TM4SF20: variants seen among roughly 807,000 people sequenced by gnomAD.
The protein encoded by TM4SF20 is transmembrane 4 L six family member 20.
A neutral mutation model predicts 15.1 loss-of-function variants in TM4SF20; 13 were observed. That is an observed-to-expected ratio of 0.86 (90% CI 0.56 to 1.36). TM4SF20 has a LOEUF of 1.36. Among genes scored for constraint, TM4SF20 ranks in the 40% most tolerant of loss-of-function variants. The pLI is 0.00. For synonymous variants in TM4SF20, 92 were observed against 96.6 expected (o/e 0.95, Z 0.28); for missense variants, 282 against 268.4 (o/e 1.05, Z -0.35).
At chr2:227,370,797 G>T in intron 2 of TM4SF20, 118 bp downstream of exon 2, 1 of 814,538 alleles carries the variant, frequency 1.2e-6, no homozygotes, top group Non-Finnish European at 2.2e-6. Context: ...TAAGGCTGTG[G>T]CTCTGTCAGT....
intron 3 of TM4SF20, among the ~76,000 whole-genome samples, chr2:227,364,434 C>T (rs80127478): frequency 0.041 from 6,122 of 149,704 alleles, 329 homozygotes; most frequent in East Asian, 0.13. Context: ...AGAACTACAG[C>T]GTGGCGTCCG....
chr2:227,365,154 A>T (rs2076386282), intron 3 of TM4SF20, among the ~76,000 whole-genome samples: 1 of 152,144 alleles, frequency 6.6e-6, no homozygotes, highest in South Asian at 2.1e-4. Flanking sequence ...CAAGCGATCC[A>T]CCTGCCTTGG....
At chr2:227,380,816 CG>C, upstream of TM4SF20, among the ~76,000 whole-genome samples, 1 of 152,138 alleles carries the variant, frequency 6.6e-6, no homozygotes, top group African/African-American at 2.4e-5. Context: ...TAGAGAGCAG[CG>C]CTCCACCCTG....
intron 2 of TM4SF20, among the ~76,000 whole-genome samples, chr2:227,368,019 A>ATT (rs1226126996): frequency 0.011 from 1,358 of 120,384 alleles, 50 homozygotes; most frequent in African/African-American, 0.027. Context: ...TTAACCATCT[A>ATT]TTTTTTTTTT....
intron 1 of TM4SF20, among the ~76,000 whole-genome samples, chr2:227,377,759 G>A (rs1336766790): frequency 1.3e-5 from 2 of 152,076 alleles, no homozygotes; most frequent in African/African-American, 2.4e-5. Flanking sequence ...TTGTAAGCGG[G>A]AGGTAAATGA....
At chr2:227,368,019 ATTTTTT>A (rs1226126996) in intron 2 of TM4SF20, among the ~76,000 whole-genome samples, 5 of 120,562 alleles carry the variant, frequency 4.1e-5, no homozygotes, top group Admixed American at 9.3e-5. Context: ...TTAACCATCT[ATTTTTT>A]TTTTTTTTTT....
upstream of TM4SF20, among the ~76,000 whole-genome samples, chr2:227,380,640 A>G (rs1575027616): frequency 6.6e-6 from 1 of 152,350 alleles, no homozygotes; most frequent in Non-Finnish European, 1.5e-5. Flanking sequence ...CTAGGAGAAA[A>G]GATTGGGACA....
chr2:227,366,581 T>C (rs1247393164), intron 2 of TM4SF20, among the ~76,000 whole-genome samples: 1 of 151,512 alleles, frequency 6.6e-6, no homozygotes, highest in Admixed American at 6.6e-5. Flanking sequence ...TACAAAAACT[T>C]AGCCAGGCTT....
At chr2:227,373,548 T>C (rs555986864) in intron 1 of TM4SF20, among the ~76,000 whole-genome samples, 3 of 152,320 alleles carry the variant, frequency 2.0e-5, no homozygotes, top group South Asian at 2.1e-4. Context: ...CACCTCTTTC[T>C]TGTAAATAAA....
chr2:227,363,978 A>T lies in TM4SF20; in HGVS notation c.436T>A (p.Phe146Ile). 4 of 1,613,146 alleles carry T rather than the reference A, an allele frequency of 2.5e-6. No homozygotes were observed. Among genetic ancestry groups the T allele is most frequent in the Non-Finnish European group, 3.4e-6 (4 of 1,179,614 alleles). ...GGAGGTGCACAAGAGTCATTGAAAA[A>T]CCACTGCAAGTTGAAGGATTCTGGA... ...IHPESFNLQW[F>I]FNDSCAPPTG... Residue 146 changes from phenylalanine to isoleucine, a missense_variant, in exon 4 of 4, where the codon TTT (phenylalanine) becomes ATT (isoleucine). Transcript: ENST00000304568.
At chr2:227,365,578 C>T (rs1231164619) in intron 3 of TM4SF20, among the ~76,000 whole-genome samples, 1 of 152,148 alleles carries the variant, frequency 6.6e-6, no homozygotes, top group East Asian at 1.9e-4. Flanking sequence ...ATTGGTTGCT[C>T]TTCCATTTAA....
upstream of TM4SF20, chr2:227,379,358 A>C (rs1379248856): frequency 1.1e-5 from 13 of 1,190,864 alleles, no homozygotes; most frequent in Non-Finnish European, 1.4e-5. Flanking sequence ...TTAAAATTTA[A>C]CGCTAATAAA....
upstream of TM4SF20, among the ~76,000 whole-genome samples, chr2:227,380,965 T>C (rs983636290): frequency 6.6e-6 from 1 of 152,118 alleles, no homozygotes; most frequent in Non-Finnish European, 1.5e-5. Context: ...AGGATTTGTA[T>C]AAAAGGATTA....
chr2:227,369,094 C>T (rs1289164405), intron 2 of TM4SF20, among the ~76,000 whole-genome samples: 1 of 152,102 alleles, frequency 6.6e-6, no homozygotes, highest in Non-Finnish European at 1.5e-5. Context: ...AAATTATTAT[C>T]GTTTACAAAG....
chr2:227,372,239 A>G (rs778709546), intron 1 of TM4SF20, among the ~76,000 whole-genome samples: 8 of 152,150 alleles, frequency 5.3e-5, no homozygotes, highest in African/African-American at 1.9e-4. Context: ...TAATAATCCT[A>G]TGAGGTAGGT....
intron 1 of TM4SF20, among the ~76,000 whole-genome samples, chr2:227,373,542 T>A (rs1023108917): frequency 3.3e-5 from 5 of 152,204 alleles, no homozygotes; most frequent in Non-Finnish European, 4.4e-5. Flanking sequence ...GCCCACCACC[T>A]CTTTCTTGTA....
chr2:227,363,901 T>A lies in TM4SF20; in HGVS notation c.513A>T (p.Arg171Ser). The change falls in exon 4 of 4, where the codon AGA (arginine) becomes AGT (serine). Residue 171 changes from arginine (R) to serine (S), a missense_variant. Transcript: ENST00000304568. ...CAGAATCGAAGTGGAAACTAGATGC[T>A]CTCCAGCCACTCGCCATGGTGTCGT... ...TSNDTMASGW[R>S]ASSFHFDSEE... The A allele has an allele frequency of 6.2e-7, 1 of 1,614,106 alleles. No individual in the cohort carries two copies.
chr2:227,367,978 T>TACTCATCA (rs1383217757), intron 2 of TM4SF20, among the ~76,000 whole-genome samples: 14 of 151,882 alleles, frequency 9.2e-5, no homozygotes, highest in African/African-American at 3.4e-4. Flanking sequence ...TACTTAAATG[T>TACTCATCA]ACTCATCAAG....
Position 227,363,620 on chromosome 2 carries a change from C to T in TM4SF20, c.*104G>A, listed in dbSNP as rs569575787. The T allele has an allele frequency of 1.1e-5, 13 of 1,206,832 alleles. No individual in the cohort carries two copies. The highest frequency in any genetic ancestry group is 3.0e-5 in the South Asian group (2 of 67,012). The allele number at this position is 1,206,832 out of a possible 1,614,324, so 74.8% of individuals were successfully genotyped here. ...TTATGCATTTACAACGTGCTTTCTA[C>T]GTGAAGGGTTGATTTTTTAAATCAT... On this transcript the variant is annotated 3_prime_UTR_variant, in exon 4 of 4. Coordinates refer to ENST00000304568, the MANE Select transcript of TM4SF20 (RefSeq NM_024795.4).
Sources: allele counts gnomAD v4.1 joint callset (sites outside exome capture counted in the v4.1 genomes callset), GRCh38; gene constraint gnomAD v4.1.1; transcripts MANE v1.5; gene names NCBI Gene and HGNC (gene_info 2026-07-23, HGNC 2026-07-21).